STARD6: variants seen among roughly 807,000 people sequenced by gnomAD.
The protein encoded by STARD6 is StAR related lipid transfer domain containing 6.
STARD6 carries 21 observed loss-of-function variants against 22.3 expected under a neutral mutation model. The observed-to-expected ratio is 0.94, with a 90% CI of 0.67 to 1.35. The LOEUF (loss-of-function observed/expected upper bound fraction) is 1.35. Ranked by LOEUF, STARD6 falls within the 40% of genes most tolerant of loss-of-function variation. STARD6 has a pLI of 0.00. For synonymous variants in STARD6, 80 were observed against 88.1 expected (o/e 0.91, Z 0.52); for missense variants, 269 against 266.9 (o/e 1.01, Z -0.05).
intron 4 of STARD6, among the ~76,000 whole-genome samples, chr18:54,343,681 G>C (rs1479586105): frequency 1.0e-4 from 3 of 28,708 alleles, no homozygotes; most frequent in Non-Finnish European, 2.1e-4. Context: ...TGGGGGGGTC[G>C]GCCCCCCGCC....
At chr18:54,355,967 A>G (rs1039979274) in intron 2 of STARD6, 56 of 152,332 alleles carry the variant, frequency 3.7e-4, no homozygotes, top group African/African-American at 1.3e-3. Context: ...TATCTATAGA[A>G]TGGGGATAAT....
chr18:54,325,540 T>C (rs1246154298), intron 7 of STARD6, among the ~76,000 whole-genome samples: 2 of 152,048 alleles, frequency 1.3e-5, no homozygotes, highest in Non-Finnish European at 2.9e-5. Flanking sequence ...ATCTTTGTAA[T>C]GTATCCATTT....
chr18:54,324,613 G>A lies in STARD6; in HGVS notation c.*79C>T, dbSNP rs1310102416. On this transcript the variant is annotated 3_prime_UTR_variant, in exon 8 of 8. Transcript: ENST00000307844. Reference sequence around the variant, plus strand: ...AGAATAGTTTAACAGTATTATTTATGTGCGTTGACTTAGAAGTAAACAGCA... The same window carrying A: ...AGAATAGTTTAACAGTATTATTTATATGCGTTGACTTAGAAGTAAACAGCA... The A allele has an allele frequency of 7.4e-7, 1 of 1,350,814 alleles. No homozygotes were observed. Among genetic ancestry groups the A allele is most frequent in the Non-Finnish European group, 1.0e-6 (1 of 961,636 alleles). 83.7% of individuals were successfully genotyped at this position (1,350,814 alleles called of 1,614,324 possible).
chr18:54,348,509 T>G (rs146303488), intron 4 of STARD6, among the ~76,000 whole-genome samples: 3 of 152,296 alleles, frequency 2.0e-5, no homozygotes, highest in African/African-American at 4.8e-5. Flanking sequence ...AAAGTCTTGG[T>G]GTCTAAGTTT....
chr18:54,350,463 C>T (rs956017801), intron 4 of STARD6, among the ~76,000 whole-genome samples: 16 of 152,076 alleles, frequency 1.1e-4, no homozygotes, highest in African/African-American at 1.2e-4. Flanking sequence ...ATTTCTTTTA[C>T]GATGCAGAAG....
In STARD6 at chr18:54,348,810, G is replaced by A. The variant is rs2089063565; in HGVS notation, c.140+5244C>T. Reference sequence around the variant, plus strand: ...AACCAAAGAACTGCTTCTCTTCCAGGCAAATGCTTAAAGCTAACCACAAAA... The same window carrying A: ...AACCAAAGAACTGCTTCTCTTCCAGACAAATGCTTAAAGCTAACCACAAAA... On this transcript the variant is annotated intron_variant, in intron 4 of 7. Transcript: ENST00000307844. 2.6e-5 allele frequency among the ~76,000 whole-genome samples: 4 copies of A among 152,042 alleles called. No individual in the cohort carries two copies. In the South Asian group the frequency reaches 8.3e-4, roughly 32 times the overall value.
chr18:54,335,957 T>C (rs1215078025), intron 5 of STARD6, among the ~76,000 whole-genome samples: 1 of 152,208 alleles, frequency 6.6e-6, no homozygotes, highest in Admixed American at 6.5e-5. Flanking sequence ...GGTAGTTCTT[T>C]AGAGCAGTGT....
In STARD6 at chr18:54,329,536, G is replaced by A. The variant is rs139837814; in HGVS notation, c.386-96C>T. 1,536 of 971,250 alleles carry A rather than the reference G, an allele frequency of 1.6e-3. 13 individuals are homozygous for A. In the African/African-American group the frequency reaches 0.02, roughly 13 times the overall value. 60.2% of individuals were successfully genotyped at this position (971,250 alleles called of 1,614,324 possible). On this transcript the variant is annotated intron_variant, in intron 6 of 7. Coordinates refer to ENST00000307844, the MANE Select transcript of STARD6 (RefSeq NM_139171.2). ...TTAGAAACATATAGCATTTAAGTTA[G>A]TTAATAGCATTAACATTAGTTTTAT...
In STARD6 at chr18:54,331,842, A is replaced by G. The variant is rs2088868212; in HGVS notation, c.285T>C (p.His95=). The change falls in exon 6 of 8, where the codon CAT becomes CAC. Residue 95 remains histidine (H), a synonymous_variant. Transcript: ENST00000307844. ...HRIDSDTFIC[H]TITQSFAVGS... is the part of the protein sequence containing the mutation. ...CCACGGCAAAACTTTGTGTAATGGT[A>G]TGACATATGAATGTGTCCTGCAACA... is the stretch of plus-strand genomic sequence containing the variant. 4.3e-6 allele frequency: 7 copies of G among 1,610,250 alleles called. No homozygotes were observed. Among genetic ancestry groups the G allele is most frequent in the Middle Eastern group, 1.6e-4 (1 of 6,070 alleles).
At chr18:54,355,154 T>C (rs1331155407) in intron 2 of STARD6, among the ~76,000 whole-genome samples, 1 of 152,066 alleles carries the variant, frequency 6.6e-6, no homozygotes, top group African/African-American at 2.4e-5. Context: ...TCCACTTAGC[T>C]CCAATCATTT....
intron 5 of STARD6, among the ~76,000 whole-genome samples, chr18:54,333,976 A>T (rs1449205634): frequency 2.0e-5 from 3 of 152,136 alleles, no homozygotes; most frequent in African/African-American, 7.3e-5. Flanking sequence ...AAATAAAGTT[A>T]TTATTAGCCA....
At chr18:54,340,202 C>T (rs936236815) in intron 4 of STARD6, among the ~76,000 whole-genome samples, 2 of 152,056 alleles carry the variant, frequency 1.3e-5, no homozygotes, top group East Asian at 1.9e-4. Context: ...ATAATTATAA[C>T]AATATGGTAT....
intron 4 of STARD6, 27 bp from the exon 5 acceptor site, chr18:54,337,278 C>T (rs1486093375): frequency 1.9e-6 from 3 of 1,599,292 alleles, no homozygotes; most frequent in Non-Finnish European, 8.5e-7. Context: ...AAAGAAAATT[C>T]AAAGCTTAAA....
At chr18:54,350,333 TG>T (rs2089083864) in intron 4 of STARD6, among the ~76,000 whole-genome samples, 2 of 152,258 alleles carry the variant, frequency 1.3e-5, no homozygotes, top group South Asian at 4.1e-4. Flanking sequence ...TGGGATTATT[TG>T]TTTTTTTCTT....
intron 6 of STARD6, among the ~76,000 whole-genome samples, chr18:54,330,210 C>G (rs1419209569): frequency 1.3e-5 from 2 of 151,918 alleles, no homozygotes; most frequent in Admixed American, 6.6e-5. Flanking sequence ...ATGGGAAATA[C>G]AATGTAAAAC....
rs548712021 is a variant in STARD6 at position 54,337,345 on chromosome 18, A to G, written c.141-94T>C. The G allele has an allele frequency of 1.2e-4, 136 of 1,171,836 alleles. 1 individual carries two copies. The East Asian group carries it at 2.6e-3, about 22-fold the overall frequency. 72.6% of individuals were successfully genotyped at this position (1,171,836 alleles called of 1,614,324 possible). A position where few individuals can be genotyped will look rare whatever the true frequency, so the allele number is the denominator to read the frequency against. ...TCAAAGCATAAAGGTAGGCTAATTT[A>G]GCAAACAGCAATGAAGAAAACTTGA... On this transcript the variant is annotated intron_variant, in intron 4 of 7. Coordinates refer to ENST00000307844, the MANE Select transcript of STARD6 (RefSeq NM_139171.2).
intron 4 of STARD6, among the ~76,000 whole-genome samples, chr18:54,344,821 G>GA (rs1296264901): frequency 2.6e-5 from 4 of 152,046 alleles, no homozygotes; most frequent in African/African-American, 9.7e-5. Flanking sequence ...AATAGATGTG[G>GA]AAAAAGCATA....
intron 5 of STARD6, among the ~76,000 whole-genome samples, chr18:54,335,219 A>C (rs2088897879): frequency 6.6e-6 from 1 of 150,800 alleles, no homozygotes; most frequent in East Asian, 2.0e-4. Context: ...TTTGAGATGG[A>C]GTTTCACTCT....
At chr18:54,336,809 A>G (rs1353889743) in intron 5 of STARD6, among the ~76,000 whole-genome samples, 1 of 152,220 alleles carries the variant, frequency 6.6e-6, no homozygotes, top group African/African-American at 2.4e-5. Flanking sequence ...CAGACTTCCC[A>G]TCAATAAGGC....
Sources: gnomAD v4.1 joint callset for allele counts (sites outside exome capture counted in the v4.1 genomes callset) on GRCh38, gnomAD v4.1.1 for gene constraint, MANE v1.5 for transcripts, NCBI Gene and HGNC (gene_info 2026-07-23, HGNC 2026-07-21) for gene names.